The following FAM135A variants were observed in gnomAD, a reference collection of about 807,000 sequenced individuals.
FAM135A encodes the protein protein FAM135A.
A neutral mutation model predicts 146.8 loss-of-function variants in FAM135A; 79 were observed. That is an observed-to-expected ratio of 0.54 (90% confidence interval 0.45 to 0.65). The LOEUF is 0.65. Among genes scored for constraint, FAM135A ranks in the 30% least tolerant of loss-of-function variants. FAM135A has a pLI of 0.00. For missense variants in FAM135A, 1,623 were observed against 1,758.2 expected (o/e 0.92, Z 1.38); for synonymous variants, 562 against 603.6 (o/e 0.93, Z 1.01).
chr6:70,431,546 T>C (rs1044115376), intron 4 of FAM135A, among the ~76,000 whole-genome samples: 1 of 151,998 alleles, frequency 6.6e-6, no homozygotes, highest in Admixed American at 6.5e-5. Flanking sequence ...CACCACAAGA[T>C]ACTGGCCAAA....
chr6:70,555,540 A>G (rs901704639), intron 20 of FAM135A, among the ~76,000 whole-genome samples: 4 of 152,078 alleles, frequency 2.6e-5, no homozygotes, highest in African/African-American at 9.7e-5. Flanking sequence ...GGCATGAGCC[A>G]CCTCGCCCAG....
chr6:70,551,867 G>C (rs760779501), intron 20 of FAM135A, among the ~76,000 whole-genome samples: 1 of 152,122 alleles, frequency 6.6e-6, no homozygotes, highest in Non-Finnish European at 1.5e-5. Flanking sequence ...AAAGATCACT[G>C]ATCACAGATC....
intron 20 of FAM135A, among the ~76,000 whole-genome samples, chr6:70,545,903 G>T (rs1798773446): frequency 1.3e-5 from 2 of 152,138 alleles, no homozygotes. Flanking sequence ...ATCATGTTAA[G>T]CCAATAATAT....
intron 15 of FAM135A, 48 bp downstream of exon 15, chr6:70,526,746 TATATACACACACACACACATAC>T (rs1454553813): frequency 1.2e-4 from 129 of 1,102,132 alleles, no homozygotes; most frequent in Admixed American, 5.6e-4. Flanking sequence ...TATACATATA[TATATACACACACACACACATAC>T]ACACACACAC....
At chr6:70,465,196 C>G (rs181953545) in intron 5 of FAM135A, among the ~76,000 whole-genome samples, 16 of 148,998 alleles carry the variant, frequency 1.1e-4, no homozygotes, top group Admixed American at 4.6e-4. Flanking sequence ...CATGTTGTAG[C>G]TATGACAGGA....
chr6:70,496,414 G>C (rs1176628808), intron 11 of FAM135A, among the ~76,000 whole-genome samples: 1 of 152,148 alleles, frequency 6.6e-6, no homozygotes, highest in Non-Finnish European at 1.5e-5. Context: ...CCCTTTGTCA[G>C]ATGGATAGAT....
In FAM135A at chr6:70,525,563, A is replaced by T. The variant is rs1345921452; in HGVS notation, c.2479A>T (p.Thr827Ser). The change falls in exon 15 of 22, where the codon ACA (threonine) becomes TCA (serine). Residue 827 changes from threonine (T) to serine (S), a missense_variant. Thr to Ser is a moderately conservative substitution (Grantham distance 58). Around this residue, in one of 7 missense-constraint regions of FAM135A, gnomAD observed 1,061 missense variants for 1,113.8 expected, o/e 0.95. Transcript: ENST00000418814. ...ATTAGGAAATCATTGTACTGAGAGTACAAGTGCTATAAGTGAAATACAGTC... is the reference window on the plus strand; with the variant it reads ...ATTAGGAAATCATTGTACTGAGAGTTCAAGTGCTATAAGTGAAATACAGTC... ...FSLGNHCTES[T>S]SAISEIQSSL... 1 of 1,613,470 alleles carries T rather than the reference A, an allele frequency of 6.2e-7. No individual in the cohort carries two copies. The highest frequency in any genetic ancestry group is 1.3e-5 in the African/African-American group (1 of 74,918).
At chr6:70,439,140 G>A (rs940323320) in intron 4 of FAM135A, among the ~76,000 whole-genome samples, 1 of 152,122 alleles carries the variant, frequency 6.6e-6, no homozygotes, top group African/African-American at 2.4e-5. Context: ...CACCAGCCTA[G>A]CCTGGATGAC....
intron 14 of FAM135A, 75 bp downstream of exon 14, chr6:70,524,196 C>T: frequency 7.0e-7 from 1 of 1,425,254 alleles, no homozygotes; most frequent in Non-Finnish European, 9.4e-7. Context: ...TACATAAAAC[C>T]ATTCCCTAAT....
At chr6:70,466,384 A>G (rs1780483799) in intron 5 of FAM135A, among the ~76,000 whole-genome samples, 1 of 152,150 alleles carries the variant, frequency 6.6e-6, no homozygotes, top group African/African-American at 2.4e-5. Context: ...ATTCCAAGGA[A>G]ATATCTGGTT....
intron 12 of FAM135A, 146 bp downstream of exon 12, chr6:70,502,937 A>G (rs1582599480): frequency 2.5e-6 from 2 of 800,582 alleles, no homozygotes; most frequent in East Asian, 5.5e-5. Context: ...TTGACTTCCA[A>G]AATTAATAAT....
At chr6:70,536,162 A>C in intron 18 of FAM135A, 98 bp from the exon 19 acceptor site, 2 of 1,163,378 alleles carry the variant, frequency 1.7e-6, no homozygotes, top group East Asian at 5.1e-5. Flanking sequence ...GAAATTTTCA[A>C]ATTGTTAGTA....
chr6:70,535,721 C>A (rs1249626967), intron 18 of FAM135A, among the ~76,000 whole-genome samples: 2 of 152,278 alleles, frequency 1.3e-5, no homozygotes, highest in East Asian at 1.9e-4. Context: ...AAATATTATT[C>A]TTTTTGCATA....
intron 4 of FAM135A, among the ~76,000 whole-genome samples, chr6:70,450,707 C>CT (rs1241114738): frequency 1.1e-5 from 1 of 91,400 alleles, no homozygotes; most frequent in African/African-American, 4.0e-5. Flanking sequence ...GAGTGTGACC[C>CT]TTTTAGTTGT....
chr6:70,499,086 C>G (rs1787944107), intron 11 of FAM135A, among the ~76,000 whole-genome samples: 1 of 152,070 alleles, frequency 6.6e-6, no homozygotes, highest in Non-Finnish European at 1.5e-5. Context: ...TTTAAAGACT[C>G]CTACTATTAT....
chr6:70,533,059 T>A (rs1483829640), intron 16 of FAM135A, 101 bp from the exon 17 acceptor site: 1 of 862,754 alleles, frequency 1.2e-6, no homozygotes, highest in African/African-American at 1.7e-5. Context: ...ACAAATGGCA[T>A]AGGCCATAAG....
At chr6:70,512,261 A>G (rs1791164057) in intron 12 of FAM135A, among the ~76,000 whole-genome samples, 1 of 151,864 alleles carries the variant, frequency 6.6e-6, no homozygotes, top group South Asian at 2.1e-4. Context: ...ATTTTATGGT[A>G]TCGTATATCA....
At chr6:70,424,753 C>T (rs1473762238) in intron 2 of FAM135A, among the ~76,000 whole-genome samples, 1 of 152,120 alleles carries the variant, frequency 6.6e-6, no homozygotes, top group Non-Finnish European at 1.5e-5. Flanking sequence ...CACCAACACC[C>T]GGTATTGTGG....
chr6:70,446,991 C>T (rs1775896041), intron 4 of FAM135A, among the ~76,000 whole-genome samples: 1 of 152,146 alleles, frequency 6.6e-6, no homozygotes, highest in Admixed American at 6.5e-5. Flanking sequence ...TTGAATAGTC[C>T]CAGGTTGTCC....
Sources: allele counts gnomAD v4.1 joint callset (sites outside exome capture counted in the v4.1 genomes callset), GRCh38; gene constraint gnomAD v4.1.1; regional missense constraint gnomAD v4.1.1; transcripts MANE v1.5; gene names NCBI Gene and HGNC (gene_info 2026-07-23, HGNC 2026-07-21).